NALF1: variants seen among roughly 807,000 people sequenced by gnomAD.
NALF1 encodes family with sequence similarity 155 member A.
In NALF1, 3 loss-of-function variants were observed where a neutral mutation model predicts 48.4. The ratio of observed to expected loss-of-function variants is 0.06; its 90% confidence interval spans 0.03 to 0.16. The LOEUF (loss-of-function observed/expected upper bound fraction) is 0.16, where lower values mean the gene tolerates loss of function less well. Ranked by LOEUF, NALF1 falls within the 10% of genes least tolerant of loss-of-function variation. NALF1 has a pLI of 1.00. For missense variants in NALF1, 526 were observed against 571.5 expected (o/e 0.92, Z 0.81); for synonymous variants, 262 against 245.7 (o/e 1.07, Z -0.62).
intron 1 of NALF1, among the ~76,000 whole-genome samples, chr13:107,701,194 T>C (rs749453880): frequency 6.6e-6 from 1 of 152,174 alleles, no homozygotes; most frequent in African/African-American, 2.4e-5. Flanking sequence ...CTCATGTGCA[T>C]TGCAGCATTA....
At chr13:107,516,301 A>G (rs939565549) in intron 1 of NALF1, among the ~76,000 whole-genome samples, 1 of 152,168 alleles carries the variant, frequency 6.6e-6, no homozygotes, top group African/African-American at 2.4e-5. Context: ...CATATAAACT[A>G]ACTCATCAGT....
intron 1 of NALF1, 99 bp downstream of exon 1, chr13:107,865,583 A>C: frequency 2.0e-6 from 3 of 1,485,218 alleles, no homozygotes; most frequent in Non-Finnish European, 2.7e-6. Context: ...AAGTAACAAA[A>C]CCATAGCCAA....
At chr13:107,556,272 CAT>C (rs56407804) in intron 1 of NALF1, among the ~76,000 whole-genome samples, 34,422 of 130,694 alleles carry the variant, frequency 0.26, 4,985 homozygotes, top group Admixed American at 0.35. Flanking sequence ...TCTCTCTCAA[CAT>C]ATATATATAT....
rs386380636 is a variant in NALF1, at chr13:107,213,230, CAAAAAAA to C, written c.916-2482_916-2476del. ...TTCCTTTGCAGATTTTTTTTTAACT[CAAAAAAA>C]AAAAAAAAAAAAAGAAAAGAAAAAG... On this transcript the variant is annotated intron_variant, in intron 1 of 2. Transcript: ENST00000375915. 9.5e-3 allele frequency among the ~76,000 whole-genome samples: 986 copies of C among 103,390 alleles called. 21 individuals carry two copies. The highest frequency in any genetic ancestry group is 0.034 in the African/African-American group (908 of 26,326). The allele number at this position is 103,390 out of a possible 152,430, so 67.8% of individuals were successfully genotyped here.
At chr13:107,581,020 C>T (rs776862392) in intron 1 of NALF1, among the ~76,000 whole-genome samples, 6 of 152,052 alleles carry the variant, frequency 3.9e-5, no homozygotes, top group Non-Finnish European at 8.8e-5. Context: ...ATACGGTAAA[C>T]CCAGATAAGA....
intron 1 of NALF1, among the ~76,000 whole-genome samples, chr13:107,259,576 T>C (rs1219489664): frequency 6.6e-6 from 1 of 152,190 alleles, no homozygotes; most frequent in Admixed American, 6.5e-5. Context: ...CCTAGACTTG[T>C]CATAGAAAAG....
intron 1 of NALF1, among the ~76,000 whole-genome samples, chr13:107,416,381 C>T (rs2139005033): frequency 6.6e-6 from 1 of 151,854 alleles, no homozygotes; most frequent in South Asian, 2.1e-4. Context: ...CCTCTTCTAC[C>T]TCTTCCCTCC....
chr13:107,828,170 G>A (rs889019275), intron 1 of NALF1, among the ~76,000 whole-genome samples: 2 of 152,108 alleles, frequency 1.3e-5, no homozygotes. Context: ...ATTAAGCCAT[G>A]CAATCTTATC....
chr13:107,579,035 C>T (rs1878228473), intron 1 of NALF1, among the ~76,000 whole-genome samples: 1 of 152,198 alleles, frequency 6.6e-6, no homozygotes, highest in South Asian at 2.1e-4. Flanking sequence ...TGAATTACTA[C>T]AAACCCTAAG....
intron 1 of NALF1, among the ~76,000 whole-genome samples, chr13:107,655,006 A>G (rs543641257): frequency 4.6e-5 from 7 of 152,288 alleles, no homozygotes; most frequent in East Asian, 1.9e-4. Flanking sequence ...CCTTAAGGTA[A>G]TAAGAGTCAT....
intron 1 of NALF1, among the ~76,000 whole-genome samples, chr13:107,428,662 A>G (rs1235553047): frequency 6.6e-6 from 1 of 152,176 alleles, no homozygotes; most frequent in Non-Finnish European, 1.5e-5. Context: ...ATCTCTAAGC[A>G]AGTATTTTCA....
chr13:107,192,390 C>T (rs9587308), intron 2 of NALF1, among the ~76,000 whole-genome samples: 7,350 of 152,080 alleles, frequency 0.048, 300 homozygotes, highest in African/African-American at 0.11. Context: ...TAAACAGTTG[C>T]GACCGCGGCC....
intron 1 of NALF1, among the ~76,000 whole-genome samples, chr13:107,763,281 T>C (rs1341396525): frequency 6.6e-6 from 1 of 152,078 alleles, no homozygotes; most frequent in Admixed American, 6.6e-5. Flanking sequence ...CCAATCAAAC[T>C]TTAATGGGTA....
intron 1 of NALF1, among the ~76,000 whole-genome samples, chr13:107,682,870 C>T (rs1031864642): frequency 1.3e-5 from 2 of 152,110 alleles, no homozygotes; most frequent in African/African-American, 4.8e-5. Flanking sequence ...ATAGTATGGT[C>T]CCAAACTCTT....
chr13:107,207,725 T>A (rs1879672955), intron 2 of NALF1, among the ~76,000 whole-genome samples: 1 of 152,228 alleles, frequency 6.6e-6, no homozygotes, highest in African/African-American at 2.4e-5. Context: ...CACAGCTCAC[T>A]GCAATCTCCA....
rs576317299 is a variant in NALF1, at chr13:107,409,678, A to C, written c.916-198923T>G. 3.3e-5 allele frequency among the ~76,000 whole-genome samples: 5 copies of C among 152,328 alleles called. No individual in the cohort carries two copies. In the South Asian group the frequency reaches 1.0e-3, roughly 32 times the overall value. On this transcript the variant is annotated intron_variant, in intron 1 of 2. Coordinates refer to ENST00000375915, the MANE Select transcript of NALF1 (RefSeq NM_001080396.3). Reference sequence around the variant, plus strand: ...GTCTCATTTGACAATCACAATGACCAATCAAATTGGTGTTAATATGATTTT... The same window carrying C: ...GTCTCATTTGACAATCACAATGACCCATCAAATTGGTGTTAATATGATTTT...
chr13:107,247,336 C>T (rs16952134), intron 1 of NALF1, among the ~76,000 whole-genome samples: 19,170 of 152,064 alleles, frequency 0.13, 1,583 homozygotes, highest in East Asian at 0.4. Flanking sequence ...AACAAAATTC[C>T]TGGAAAGATG....
At chr13:107,545,656 G>A (rs889007867) in intron 1 of NALF1, among the ~76,000 whole-genome samples, 1 of 152,042 alleles carries the variant, frequency 6.6e-6, no homozygotes, top group Non-Finnish European at 1.5e-5. Context: ...AGCATGGTCT[G>A]AAAAGGTGAG....
chr13:107,329,113 A>G (rs974666837), intron 1 of NALF1, among the ~76,000 whole-genome samples: 1 of 152,222 alleles, frequency 6.6e-6, no homozygotes, highest in East Asian at 1.9e-4. Flanking sequence ...GGATCAAGAA[A>G]TGTGCAACAT....
Sources: allele counts gnomAD v4.1 joint callset (sites outside exome capture counted in the v4.1 genomes callset), GRCh38; gene constraint gnomAD v4.1.1; transcripts MANE v1.5; gene names NCBI Gene and HGNC (gene_info 2026-07-23, HGNC 2026-07-21).